MEG3: variants seen among roughly 807,000 people sequenced by gnomAD.
MEG3 encodes the protein maternally expressed 3.
chr14:100,834,865 G>T, exon 1 of MEG3: 2 of 453,606 alleles, frequency 4.4e-6, no homozygotes, highest in Non-Finnish European at 8.9e-6. Context: ...TGTGTGAGCA[G>T]CTTCCGACCC....
exon 1 of MEG3, chr14:100,835,860 C>T (rs1307100034): frequency 7.4e-6 from 2 of 271,608 alleles, no homozygotes; most frequent in South Asian, 3.6e-5. Flanking sequence ...ATCCCAGAGA[C>T]CCCTCGTGAT....
chr14:100,840,619 G>C (rs954632170), intron 2 of MEG3, among the ~76,000 whole-genome samples: 1 of 152,318 alleles, frequency 6.6e-6, no homozygotes, highest in South Asian at 2.1e-4. Flanking sequence ...GGAGCTCCAA[G>C]GCTGCACAAT....
At chr14:100,827,998 G>A (rs1330771828) in intron 1 of MEG3, among the ~76,000 whole-genome samples, 1 of 152,182 alleles carries the variant, frequency 6.6e-6, no homozygotes, top group Admixed American at 6.5e-5. Context: ...GGGCGCAGGA[G>A]GCGCCTGGTG....
downstream of MEG3, chr14:100,833,956 G>A (rs2037474230): frequency 6.6e-6 from 1 of 152,218 alleles, no homozygotes; most frequent in Non-Finnish European, 1.5e-5. Context: ...TTCCAAGTTA[G>A]CAAAACCAAC....
intron 3 of MEG3, chr14:100,847,581 G>T (rs1452139199): frequency 6.6e-6 from 1 of 152,218 alleles, no homozygotes; most frequent in Non-Finnish European, 1.5e-5. Flanking sequence ...GCTATGGCTG[G>T]TCCACTTCTA....
At chr14:100,847,583 C>T (rs548458889) in intron 3 of MEG3, 1 of 152,262 alleles carries the variant, frequency 6.6e-6, no homozygotes, top group African/African-American at 2.4e-5. Context: ...TATGGCTGGT[C>T]CACTTCTAGA....
At chr14:100,828,284 C>T (rs1325886515) in intron 1 of MEG3, among the ~76,000 whole-genome samples, 24 of 152,184 alleles carry the variant, frequency 1.6e-4, no homozygotes, top group Non-Finnish European at 3.4e-4. Context: ...GAGTTGCGCA[C>T]ACGCACACAG....
chr14:100,853,414 T>C (rs1228205868), upstream of MEG3: 2 of 152,174 alleles, frequency 1.3e-5, no homozygotes, highest in Non-Finnish European at 2.9e-5. Flanking sequence ...ATGGTGTGGA[T>C]GGCACTTGAC....
intron 2 of MEG3, among the ~76,000 whole-genome samples, chr14:100,842,584 C>T (rs577570799): frequency 1.3e-5 from 2 of 152,128 alleles, no homozygotes; most frequent in East Asian, 3.8e-4. Flanking sequence ...GTAGGAAGTA[C>T]GAGATCTGAG....
upstream of MEG3, chr14:100,854,960 C>A (rs535375474): frequency 6.6e-6 from 1 of 152,570 alleles, no homozygotes; most frequent in Non-Finnish European, 1.5e-5. Flanking sequence ...TTCTAAGGAG[C>A]GGAATAAAGG....
At position 100,840,271 on chromosome 14, in the gene MEG3, G is replaced by A. The variant is rs141155930; in HGVS notation, n.3045+3971G>A. Among the ~76,000 whole-genome samples the A allele has an allele frequency of 3.1e-3, 474 of 152,286 alleles. 3 individuals are homozygous for A. Among genetic ancestry groups the A allele is most frequent in the African/African-American group, 0.011 (461 of 41,566 alleles). On this transcript the variant is annotated intron_variant and non_coding_transcript_variant, in intron 2 of 3. Transcript: ENST00000398461. ...GAAAGGAAGGCTGCCCACCACCTTC[G>A]GCTTGCCTCGACTCTGAGCAGTGAA...
downstream of MEG3, chr14:100,833,590 T>C (rs7146650): frequency 0.95 from 145,542 of 152,448 alleles, 69,515 homozygotes; most frequent in African/African-American, 0.99. Flanking sequence ...CCTTAATATC[T>C]TCACCCACAT....
chr14:100,838,050 G>C (rs1339363055), intron 2 of MEG3, among the ~76,000 whole-genome samples: 2 of 152,178 alleles, frequency 1.3e-5, no homozygotes, highest in African/African-American at 2.4e-5. Flanking sequence ...CCCGGGAGGG[G>C]AGGTTTGCAC....
downstream of MEG3, chr14:100,831,888 C>G (rs2037405587): frequency 6.6e-6 from 1 of 152,194 alleles, no homozygotes; most frequent in African/African-American, 2.4e-5. Context: ...TCGTCTTTAT[C>G]TGGCAGGTCA....
At chr14:100,858,589 T>TTGCTGCCCC (rs1349334194) in exon 1 of MEG3, 1 of 152,900 alleles carries the variant, frequency 6.5e-6, no homozygotes, top group African/African-American at 2.4e-5. Flanking sequence ...GCTGCGCCTG[T>TTGCTGCCCC]TGCTGCCCCG....
At chr14:100,834,795 C>G (rs2037509849) in exon 1 of MEG3, 1 of 456,592 alleles carries the variant, frequency 2.2e-6, no homozygotes, top group Non-Finnish European at 4.4e-6. Flanking sequence ...GAGCCACTAG[C>G]TGGGCCATGC....
chr14:100,854,847 G>A (rs1447147316), upstream of MEG3: 1 of 152,730 alleles, frequency 6.5e-6, no homozygotes, highest in Non-Finnish European at 1.5e-5. Flanking sequence ...CTGCACATGT[G>A]GCCTCAGTGG....
Position 100,837,429 on chromosome 14 carries a change from G to T in MEG3, n.3045+1129G>T, listed in dbSNP as rs559527421. 6.6e-6 allele frequency among the ~76,000 whole-genome samples: 1 copy of T among 152,132 alleles called. No individual in the cohort carries two copies. The highest frequency in any genetic ancestry group is 2.4e-5 in the African/African-American group (1 of 41,424). On this transcript the variant is annotated intron_variant and non_coding_transcript_variant, in intron 2 of 3. Transcript: ENST00000398461. The surrounding 1 kb of genome is among the most constrained non-coding windows in gnomAD (Gnocchi z 5.8). ...GACTTCCCAGAGAAGCTGGGTGGGC[G>T]CTGAGAAAGGTCTGAACCGTGGGGT...
intron 2 of MEG3, among the ~76,000 whole-genome samples, chr14:100,843,473 C>A (rs919544949): frequency 6.6e-6 from 1 of 152,068 alleles, no homozygotes; most frequent in Admixed American, 6.5e-5. Context: ...TAACCGAAGT[C>A]GGCCCCTCAG....
Sources: allele counts gnomAD v4.1 joint callset (sites outside exome capture counted in the v4.1 genomes callset), GRCh38; gene constraint gnomAD v4.1.1; non-coding constraint Gnocchi (gnomAD v3.1); transcripts MANE v1.5; gene names NCBI Gene and HGNC (gene_info 2026-07-23, HGNC 2026-07-21).